LOC128706666: variants seen among roughly 807,000 people sequenced by gnomAD.
At chr20:10,414,916 TC>T in the LOC128706666 span, among the ~76,000 whole-genome samples, 1 of 152,118 alleles carries the variant, frequency 6.6e-6, no homozygotes, top group Non-Finnish European at 1.5e-5. Context: ...CAACGAATCC[TC>T]CCCAAAGCAC....
chr20:10,425,084 CATT>C, the LOC128706666 span, among the ~76,000 whole-genome samples: 1 of 150,926 alleles, frequency 6.6e-6, no homozygotes, highest in Non-Finnish European at 1.5e-5. Flanking sequence ...AGAAAATTAG[CATT>C]ACTGTTCTTT....
chr20:10,430,949 G>A, the LOC128706666 span, among the ~76,000 whole-genome samples: 1 of 152,146 alleles, frequency 6.6e-6, no homozygotes, highest in Non-Finnish European at 1.5e-5. Context: ...GAGTAATGGC[G>A]AGAATCAAAG....
At chr20:10,428,843 CAATA>C in the LOC128706666 span, among the ~76,000 whole-genome samples, 98,534 of 150,978 alleles carry the variant, frequency 0.65, 32,612 homozygotes, top group Middle Eastern at 0.71. Context: ...GACTCCGTCT[CAATA>C]AATAAATAAA....
the LOC128706666 span, among the ~76,000 whole-genome samples, chr20:10,421,031 T>C: frequency 9.9e-5 from 15 of 152,234 alleles, no homozygotes; most frequent in African/African-American, 1.4e-4. Context: ...GGAAAAGCTA[T>C]ATGAATCTTT....
chr20:10,427,427 T>TA, the LOC128706666 span, among the ~76,000 whole-genome samples: 8 of 152,218 alleles, frequency 5.3e-5, no homozygotes, highest in Non-Finnish European at 1.0e-4. Flanking sequence ...GATAGAATAT[T>TA]AAAAACCAAT....
chr20:10,417,742 G>A, the LOC128706666 span, among the ~76,000 whole-genome samples: 1 of 151,860 alleles, frequency 6.6e-6, no homozygotes, highest in African/African-American at 2.4e-5. Context: ...GATTACCTAG[G>A]ATCTATTCCA....
chr20:10,429,200 T>C, the LOC128706666 span, among the ~76,000 whole-genome samples: 34 of 152,294 alleles, frequency 2.2e-4, no homozygotes, highest in African/African-American at 7.9e-4. Context: ...TGGAAAGTGT[T>C]CTGACCATAA....
the LOC128706666 span, chr20:10,413,873 A>G: frequency 7.0e-6 from 3 of 428,990 alleles, no homozygotes; most frequent in South Asian, 1.6e-4. Context: ...TTCTAATCCA[A>G]CTGGTATTTT....
chr20:10,414,855 T>C, the LOC128706666 span, among the ~76,000 whole-genome samples: 1 of 152,302 alleles, frequency 6.6e-6, no homozygotes, highest in African/African-American at 2.4e-5. Flanking sequence ...GAGCTAATTT[T>C]CTATCATTTT....
chr20:10,434,159 A>T, the LOC128706666 span: 1 of 151,686 alleles, frequency 6.6e-6, no homozygotes, highest in African/African-American at 2.4e-5. Flanking sequence ...GAGGCCCCAG[A>T]AACAGATCTC....
At chr20:10,431,357 T>C in the LOC128706666 span, among the ~76,000 whole-genome samples, 1 of 152,166 alleles carries the variant, frequency 6.6e-6, no homozygotes, top group Non-Finnish European at 1.5e-5. Flanking sequence ...ACAAGATTAA[T>C]TCTATCCAAA....
At chr20:10,423,486 T>A in the LOC128706666 span, among the ~76,000 whole-genome samples, 1 of 152,114 alleles carries the variant, frequency 6.6e-6, no homozygotes, top group African/African-American at 2.4e-5. Context: ...AAAATTGAGA[T>A]TTGTAACTCA....
chr20:10,420,667 T>C, the LOC128706666 span: 1 of 151,834 alleles, frequency 6.6e-6, no homozygotes, highest in Non-Finnish European at 1.5e-5. Flanking sequence ...CCACCCCAAA[T>C]GTATGAGCCC....
At chr20:10,433,691 G>A in the LOC128706666 span, among the ~76,000 whole-genome samples, 3 of 152,112 alleles carry the variant, frequency 2.0e-5, no homozygotes, top group African/African-American at 7.2e-5. Context: ...CCGTCGGAGG[G>A]CGGCCCCCAC....
At chr20:10,426,366 T>G in the LOC128706666 span, among the ~76,000 whole-genome samples, 1 of 152,186 alleles carries the variant, frequency 6.6e-6, no homozygotes, top group Admixed American at 6.5e-5. Context: ...CCCTTGAGGA[T>G]CACTGAGGTC....
chr20:10,432,373 C>T, the LOC128706666 span, among the ~76,000 whole-genome samples: 1 of 152,206 alleles, frequency 6.6e-6, no homozygotes, highest in Non-Finnish European at 1.5e-5. Flanking sequence ...TCAGGAAACC[C>T]AACCTAGGAC....
the LOC128706666 span, among the ~76,000 whole-genome samples, chr20:10,425,852 T>C: frequency 2.0e-5 from 3 of 152,322 alleles, no homozygotes; most frequent in Admixed American, 6.5e-5. Context: ...CCTTTCTTTC[T>C]TTCCTGAATC....
the LOC128706666 span, among the ~76,000 whole-genome samples, chr20:10,415,996 A>C: frequency 1.1e-4 from 17 of 152,314 alleles, no homozygotes; most frequent in East Asian, 3.1e-3. Context: ...AGAAAAAAAA[A>C]CCAAACCACT....
the LOC128706666 span, among the ~76,000 whole-genome samples, chr20:10,423,529 T>C: frequency 1.3e-5 from 2 of 152,160 alleles, no homozygotes; most frequent in South Asian, 4.1e-4. Context: ...TAAATGACAA[T>C]CTGTAACACT....
Sources: allele counts gnomAD v4.1 joint callset (sites outside exome capture counted in the v4.1 genomes callset), GRCh38; gene constraint gnomAD v4.1.1; transcripts MANE v1.5.